The following UGGT2 variants were observed in gnomAD, a reference collection of about 807,000 sequenced individuals.
The protein encoded by UGGT2 is UDP-glucose:glycoprotein glucosyltransferase 2.
In UGGT2, 180 loss-of-function variants were observed where a neutral mutation model predicts 192.1. The observed-to-expected ratio is 0.94, with a 90% CI of 0.83 to 1.06. The LOEUF (loss-of-function observed/expected upper bound fraction) is 1.06. Among genes scored for constraint, UGGT2 ranks in the 50% least tolerant of loss-of-function variants. The pLI, the probability that UGGT2 is intolerant of heterozygous loss-of-function variation, is 0.00. For synonymous variants in UGGT2, 580 were observed against 591.0 expected (o/e 0.98, Z 0.27); for missense variants, 1,849 against 1,795.7 (o/e 1.03, Z -0.54).
chr13:96,039,186 T>G (rs887606057), intron 1 of UGGT2, among the ~76,000 whole-genome samples: 1 of 152,122 alleles, frequency 6.6e-6, no homozygotes, highest in African/African-American at 2.4e-5. Flanking sequence ...CTTGCAGAGT[T>G]ATTCTTTCTT....
chr13:95,929,302 CTTTTA>C (rs2049159284), intron 17 of UGGT2, among the ~76,000 whole-genome samples: 1 of 152,132 alleles, frequency 6.6e-6, no homozygotes, highest in Non-Finnish European at 1.5e-5. Flanking sequence ...AGAATTTCAG[CTTTTA>C]TTTTAGATTC....
chr13:95,983,286 C>A (rs2051184871), intron 10 of UGGT2, among the ~76,000 whole-genome samples: 2 of 152,166 alleles, frequency 1.3e-5, no homozygotes, highest in Non-Finnish European at 2.9e-5. Flanking sequence ...TATGATACTA[C>A]TTAAAGCCAA....
At position 95,877,764 on chromosome 13, in the gene UGGT2, A is replaced by G; in HGVS notation, c.3321T>C (p.Gly1107=). 8 of 1,613,954 alleles carry G rather than the reference A, an allele frequency of 5.0e-6. No individual in the cohort carries two copies. Among genetic ancestry groups the G allele is most frequent in the Non-Finnish European group, 6.8e-6 (8 of 1,179,970 alleles). Residue 1107 remains glycine (G), a synonymous_variant, in exon 28 of 39, where the codon GGT becomes GGC. Coordinates refer to ENST00000376747, the MANE Select transcript of UGGT2 (RefSeq NM_020121.4). ...TTTTTGTGCCTAGTGTGAACTGCAG[A>G]CCCCGAGGAGGCTGTTCTGTCACTT... ...FDKVTEQPPR[G]LQFTLGTKNK... is the part of the protein sequence containing the mutation.
intron 20 of UGGT2, among the ~76,000 whole-genome samples, chr13:95,923,970 G>A (rs1285470953): frequency 1.3e-5 from 2 of 152,086 alleles, no homozygotes; most frequent in African/African-American, 4.8e-5. Flanking sequence ...ATACTTGGGT[G>A]AAAGAAAAAC....
intron 11 of UGGT2, among the ~76,000 whole-genome samples, chr13:95,970,829 C>G (rs950585346): frequency 2.0e-5 from 3 of 152,224 alleles, no homozygotes; most frequent in Non-Finnish European, 4.4e-5. Flanking sequence ...AACTACTCTT[C>G]ATCAAGTCTG....
At chr13:95,979,301 C>A (rs1181956570) in intron 10 of UGGT2, among the ~76,000 whole-genome samples, 1 of 152,122 alleles carries the variant, frequency 6.6e-6, no homozygotes, top group Non-Finnish European at 1.5e-5. Context: ...AAACCAAACT[C>A]AAATTCAGTT....
intron 5 of UGGT2, among the ~76,000 whole-genome samples, chr13:96,012,592 T>C (rs1376440843): frequency 1.3e-5 from 2 of 152,006 alleles, no homozygotes; most frequent in African/African-American, 2.4e-5. Context: ...GGACAGGCAA[T>C]TTACAAATAT....
In UGGT2 at chr13:95,858,033, T is replaced by C. The variant is rs565169227; in HGVS notation, c.3825+1558A>G. ...TTTTTTTCCTACTGTCAAATGAGCA[T>C]AGGAGGAGACACTGTTGGTGGTGGA... On this transcript the variant is annotated intron_variant, in intron 33 of 38. Coordinates refer to ENST00000376747, the MANE Select transcript of UGGT2 (RefSeq NM_020121.4). Among the ~76,000 whole-genome samples the C allele has an allele frequency of 6.7e-5, 10 of 149,294 alleles. No individual in the cohort carries two copies. The South Asian group carries it at 1.9e-3, about 29-fold the overall frequency.
At chr13:95,967,257 A>ATTCTC (rs1566770014) in intron 12 of UGGT2, among the ~76,000 whole-genome samples, 1 of 151,222 alleles carries the variant, frequency 6.6e-6, no homozygotes, top group Non-Finnish European at 1.5e-5. Flanking sequence ...GGTCCAACGT[A>ATTCTC]TTCTCCTGCC....
At chr13:96,013,527 A>G (rs1189132760) in intron 4 of UGGT2, 46 bp from the exon 5 acceptor site, 2 of 1,337,454 alleles carry the variant, frequency 1.5e-6, no homozygotes, top group Admixed American at 5.6e-5. Context: ...CTGAAAGTTA[A>G]TGGCATATCA....
chr13:95,928,705 C>T (rs1195490030), intron 17 of UGGT2, among the ~76,000 whole-genome samples: 2 of 151,856 alleles, frequency 1.3e-5, no homozygotes, highest in Admixed American at 1.3e-4. Flanking sequence ...TTCCTCACTT[C>T]CCAGACTGGG....
chr13:95,880,068 G>A (rs896176804), intron 27 of UGGT2, among the ~76,000 whole-genome samples: 14 of 152,070 alleles, frequency 9.2e-5, no homozygotes, highest in African/African-American at 3.4e-4. Flanking sequence ...GACAGGCCCC[G>A]GGTGTGTGAT....
intron 20 of UGGT2, among the ~76,000 whole-genome samples, chr13:95,912,082 T>C (rs186448276): frequency 6.6e-6 from 1 of 152,302 alleles, no homozygotes; most frequent in Admixed American, 6.5e-5. Flanking sequence ...TGATGGAACA[T>C]ATCTCAAAAT....
At chr13:95,900,741 G>GA in intron 22 of UGGT2, 66 bp downstream of exon 22, 1 of 1,487,320 alleles carries the variant, frequency 6.7e-7, no homozygotes, top group Non-Finnish European at 8.9e-7. Flanking sequence ...AATTGTGACA[G>GA]AAAAAAGGCA....
intron 20 of UGGT2, among the ~76,000 whole-genome samples, chr13:95,922,036 C>G (rs1366968918): frequency 6.6e-6 from 1 of 152,172 alleles, no homozygotes; most frequent in Non-Finnish European, 1.5e-5. Flanking sequence ...AGGTGCCCAC[C>G]AATGGTGGAC....
intron 17 of UGGT2, among the ~76,000 whole-genome samples, chr13:95,933,106 G>A (rs1201631039): frequency 6.6e-6 from 1 of 152,192 alleles, no homozygotes; most frequent in African/African-American, 2.4e-5. Context: ...ATGAGTTAGG[G>A]AGGCATTAAT....
chr13:95,975,906 T>C (rs965718698), intron 10 of UGGT2, among the ~76,000 whole-genome samples: 1 of 152,186 alleles, frequency 6.6e-6, no homozygotes, highest in African/African-American at 2.4e-5. Context: ...TGTGTAATGA[T>C]CAAAGCAGGG....
In UGGT2 at chr13:95,822,223, T is replaced by A. The variant is rs1049350172; in HGVS notation, c.4528+10704A>T. Among the ~76,000 whole-genome samples, 9 of 152,112 alleles carry A rather than the reference T, an allele frequency of 5.9e-5. No individual in the cohort carries two copies. The South Asian group carries it at 1.9e-3, about 32-fold the overall frequency. On this transcript the variant is annotated intron_variant, in intron 38 of 38. Coordinates refer to ENST00000376747, the MANE Select transcript of UGGT2 (RefSeq NM_020121.4). ...TTCATTTGTGTCATCTATGATGATT[T>A]CTTTCAGCAGTTTTCCTTGTAGGGA...
Position 96,023,755 on chromosome 13 carries a change from T to C in UGGT2, c.246A>G (p.Ser82=). The C allele has an allele frequency of 6.3e-7, 1 of 1,588,634 alleles. No individual in the cohort carries two copies. The highest frequency in any genetic ancestry group is 8.6e-7 in the Non-Finnish European group (1 of 1,164,336). ...GGATTAAGTTGTAATAAGAATAATC[T>C]GATTCTATAAAAAGAAGTCAAAAGA... ...QELAIYKQTE[S]DYSYYNLILK... The change falls in exon 3 of 39, where the codon TCA becomes TCG. Residue 82 remains serine (S), a synonymous_variant. Transcript: ENST00000376747.
Sources: gnomAD v4.1 joint callset for allele counts (sites outside exome capture counted in the v4.1 genomes callset) on GRCh38, gnomAD v4.1.1 for gene constraint, MANE v1.5 for transcripts, NCBI Gene and HGNC (gene_info 2026-07-23, HGNC 2026-07-21) for gene names.